The following GRID2 variants were observed in gnomAD, a reference collection of about 807,000 sequenced individuals.
The protein encoded by GRID2 is glutamate receptor ionotropic, delta-2.
In GRID2, 33 loss-of-function variants were observed where a neutral mutation model predicts 114.8. That is an observed-to-expected ratio of 0.29 (90% CI 0.22 to 0.38). The LOEUF (loss-of-function observed/expected upper bound fraction) is 0.38, where lower values mean the gene tolerates loss of function less well. Among genes scored for constraint, GRID2 ranks in the 10% least tolerant of loss-of-function variants. The pLI is 1.00. For synonymous variants in GRID2, 505 were observed against 449.9 expected, an observed-to-expected ratio of 1.12 and a Z score of -1.55; for missense variants, 1,184 against 1,257.7, an observed-to-expected ratio of 0.94 and a Z score of 0.89.
chr4:92,606,148 C>A (rs1729439453), intron 2 of GRID2, among the ~76,000 whole-genome samples: 1 of 144,256 alleles, frequency 6.9e-6, no homozygotes, highest in African/African-American at 2.5e-5. Context: ...AAGAAAGAAA[C>A]CTCATTTTGT....
At chr4:92,997,420 G>T (rs17020061) in intron 2 of GRID2, among the ~76,000 whole-genome samples, 2,183 of 152,220 alleles carry the variant, frequency 0.014, 22 homozygotes, top group East Asian at 0.052. Flanking sequence ...TTCCTCATAA[G>T]ATCAGAGACC....
At chr4:93,165,523 G>C (rs1738164781) in intron 4 of GRID2, among the ~76,000 whole-genome samples, 1 of 152,056 alleles carries the variant, frequency 6.6e-6, no homozygotes, top group Non-Finnish European at 1.5e-5. Context: ...ATGAAAGGAG[G>C]GAACTGTTGA....
intron 8 of GRID2, among the ~76,000 whole-genome samples, chr4:93,382,463 T>C (rs1243548289): frequency 1.3e-5 from 2 of 151,980 alleles, no homozygotes; most frequent in African/African-American, 4.8e-5. Flanking sequence ...ATTCCCATGG[T>C]CTTCTCTTTA....
intron 11 of GRID2, among the ~76,000 whole-genome samples, chr4:93,483,234 A>T (rs1186640626): frequency 6.6e-6 from 1 of 152,042 alleles, no homozygotes; most frequent in Non-Finnish European, 1.5e-5. Context: ...TGATCAGCTT[A>T]CATGAACTAT....
chr4:93,227,305 A>G (rs186897939), intron 7 of GRID2, among the ~76,000 whole-genome samples: 67 of 151,982 alleles, frequency 4.4e-4, no homozygotes, highest in African/African-American at 1.4e-3. Context: ...TCAGCTCACT[A>G]CAGCCTCTGC....
chr4:92,729,324 T>G (rs1736216789), intron 2 of GRID2, among the ~76,000 whole-genome samples: 1 of 152,106 alleles, frequency 6.6e-6, no homozygotes, highest in South Asian at 2.1e-4. Context: ...CTGAGCAAAG[T>G]GCTAAATATA....
chr4:93,469,621 T>G (rs1724615801), intron 11 of GRID2, among the ~76,000 whole-genome samples: 1 of 152,096 alleles, frequency 6.6e-6, no homozygotes, highest in Non-Finnish European at 1.5e-5. Context: ...ATTTAAACAT[T>G]TCTTGATTTT....
intron 2 of GRID2, among the ~76,000 whole-genome samples, chr4:92,751,058 G>C (rs1222828531): frequency 1.3e-5 from 2 of 152,048 alleles, no homozygotes; most frequent in Admixed American, 6.6e-5. Flanking sequence ...CTTTTTATAA[G>C]AATGGGCAAA....
chr4:92,768,528 C>T (rs984317551), intron 2 of GRID2, among the ~76,000 whole-genome samples: 1 of 152,158 alleles, frequency 6.6e-6, no homozygotes, highest in African/African-American at 2.4e-5. Context: ...TTAGTTATAG[C>T]AGTGGGCATT....
At chr4:93,312,018 G>C (rs773168099) in intron 8 of GRID2, among the ~76,000 whole-genome samples, 26 of 152,042 alleles carry the variant, frequency 1.7e-4, no homozygotes, top group Non-Finnish European at 3.5e-4. Context: ...AGGCAGGAGA[G>C]ATTTGAATAT....
intron 2 of GRID2, among the ~76,000 whole-genome samples, chr4:92,771,547 T>G (rs1198006059): frequency 5.3e-5 from 8 of 152,204 alleles, no homozygotes; most frequent in Non-Finnish European, 1.0e-4. Context: ...TAAAGCATGT[T>G]AAGACTTAAT....
At chr4:93,050,982 T>C (rs1189394831) in intron 2 of GRID2, among the ~76,000 whole-genome samples, 1 of 152,040 alleles carries the variant, frequency 6.6e-6, no homozygotes, top group African/African-American at 2.4e-5. Context: ...AAATGCTGAA[T>C]ATAAAGGTCA....
intron 5 of GRID2, among the ~76,000 whole-genome samples, chr4:93,209,025 T>C (rs1743138611): frequency 6.6e-6 from 1 of 152,028 alleles, no homozygotes; most frequent in African/African-American, 2.4e-5. Flanking sequence ...TACACAACTA[T>C]TAGTGATGAT....
chr4:93,582,653 T>C (rs911754658), intron 13 of GRID2, among the ~76,000 whole-genome samples: 3 of 152,190 alleles, frequency 2.0e-5, no homozygotes, highest in Admixed American at 2.0e-4. Context: ...CAAAATGTAT[T>C]TATCTCTCTC....
At chr4:93,522,151 T>G (rs2149499707) in intron 13 of GRID2, among the ~76,000 whole-genome samples, 1 of 152,224 alleles carries the variant, frequency 6.6e-6, no homozygotes, top group Middle Eastern at 3.4e-3. Flanking sequence ...CCATCCATAG[T>G]AAGAGGAGAG....
At chr4:93,166,307 G>A (rs1738242220) in intron 4 of GRID2, 1 of 152,146 alleles carries the variant, frequency 6.6e-6, no homozygotes, top group Non-Finnish European at 1.5e-5. Flanking sequence ...AACATCTAAA[G>A]TGGGTAGAAG....
intron 13 of GRID2, among the ~76,000 whole-genome samples, chr4:93,625,413 A>G (rs1399205166): frequency 1.3e-5 from 2 of 152,222 alleles, no homozygotes; most frequent in Non-Finnish European, 2.9e-5. Context: ...GCCTAAAAGT[A>G]TAGTAAACAT....
At chr4:93,638,326 A>C (rs1326921480) in intron 14 of GRID2, among the ~76,000 whole-genome samples, 1 of 27,264 alleles carries the variant, frequency 3.7e-5, no homozygotes, top group Non-Finnish European at 8.0e-5. Flanking sequence ...TTTTAATTAT[A>C]CTCTAAGTTT....
chr4:93,334,320 C>T (rs1018975483), intron 8 of GRID2, among the ~76,000 whole-genome samples: 2 of 152,092 alleles, frequency 1.3e-5, no homozygotes, highest in Admixed American at 1.3e-4. Flanking sequence ...AAACTGAATG[C>T]CAGACCTCCC....
Sources: allele counts gnomAD v4.1 joint callset (sites outside exome capture counted in the v4.1 genomes callset), GRCh38; gene constraint gnomAD v4.1.1; transcripts MANE v1.5; gene names NCBI Gene and HGNC (gene_info 2026-07-23, HGNC 2026-07-21).